The following EPHB3 variants were observed in gnomAD, a reference collection of about 807,000 sequenced individuals.
The protein encoded by EPHB3 is EPH receptor B3, also known as ephrin type-B receptor 3.
A neutral mutation model predicts 100.2 loss-of-function variants in EPHB3; 33 were observed. The observed-to-expected ratio is 0.33, with a 90% CI of 0.25 to 0.44. The LOEUF (loss-of-function observed/expected upper bound fraction) is 0.44. EPHB3 is among the 20% of genes least tolerant of loss of function. The probability of loss-of-function intolerance (pLI) is 1.00; values close to 1 mark genes in which losing one functional copy is unlikely to be tolerated. For synonymous variants in EPHB3, 526 were observed against 554.7 expected, an observed-to-expected ratio of 0.95 and a Z score of 0.73; for missense variants, 1,045 against 1,378.3, an observed-to-expected ratio of 0.76 and a Z score of 3.83.
At chr3:184,568,600 C>T (rs1304233133) in intron 1 of EPHB3, among the ~76,000 whole-genome samples, 1 of 150,910 alleles carries the variant, frequency 6.6e-6, no homozygotes, top group African/African-American at 2.4e-5. Context: ...TGACCCCCCC[C>T]CCACATCCCC....
In EPHB3 at chr3:184,569,279, G is replaced by A. The variant is rs991934603; in HGVS notation, c.119-2039G>A. Among the ~76,000 whole-genome samples the A allele has an allele frequency of 6.6e-6, 1 of 151,938 alleles. No homozygotes were observed. The highest frequency in any genetic ancestry group is 2.4e-5 in the African/African-American group (1 of 41,378). Reference sequence around the variant, plus strand: ...TCCCGGGACTGACACTCGCGCTGCCGGCTGGGGACGAGGCCGCCTGGCAAC... The same window carrying A: ...TCCCGGGACTGACACTCGCGCTGCCAGCTGGGGACGAGGCCGCCTGGCAAC... On this transcript the variant is annotated intron_variant, in intron 1 of 15. Coordinates refer to ENST00000330394, the MANE Select transcript of EPHB3 (RefSeq NM_004443.4). The surrounding 1 kb of genome is among the most constrained non-coding windows in gnomAD (Gnocchi z 5.4).
intron 15 of EPHB3, 30 bp from the exon 16 acceptor site, chr3:184,581,484 G>A (rs772881273): frequency 6.2e-7 from 1 of 1,605,718 alleles, no homozygotes; most frequent in South Asian, 1.1e-5. Context: ...ACGAGGAAAG[G>A]GACTGATCCT....
Position 184,561,874 on chromosome 3 carries a change from C to T in EPHB3, c.-362C>T, listed in dbSNP as rs1714254670. On this transcript the variant is annotated 5_prime_UTR_variant, in exon 1 of 16. Coordinates refer to ENST00000330394, the MANE Select transcript of EPHB3 (RefSeq NM_004443.4). The stretch of plus-strand genomic sequence containing the variant: ...CCGAAGCCCCGGATCCCAGTCGGGC[C>T]CGCAGCTGACCGCCAGATTACTGTG... 6.5e-6 allele frequency: 1 copy of T among 152,942 alleles called. No homozygotes were observed. The highest frequency in any genetic ancestry group is 6.5e-5 in the Admixed American group (1 of 15,290). The allele number at this position is 152,942 out of a possible 1,614,324, so 9.5% of individuals were successfully genotyped here. A position where few individuals can be genotyped will look rare whatever the true frequency, so the allele number is the denominator to read the frequency against.
At chr3:184,580,196 C>T (rs1714784547) in intron 11 of EPHB3, among the ~76,000 whole-genome samples, 1 of 152,192 alleles carries the variant, frequency 6.6e-6, no homozygotes, top group Non-Finnish European at 1.5e-5. Flanking sequence ...GTGGTAAGAG[C>T]TAGTGGGTCC....
At position 184,581,068 on chromosome 3, in the gene EPHB3, C is replaced by A; in HGVS notation, c.2635C>A (p.Arg879=). The A allele has an allele frequency of 6.2e-7, 1 of 1,614,154 alleles. No homozygotes were observed. Among genetic ancestry groups the A allele is most frequent in the Non-Finnish European group, 8.5e-7 (1 of 1,180,034 alleles). Residue 879 remains arginine, a synonymous_variant, in exon 14 of 16, where the codon CGG becomes AGG. Coordinates refer to ENST00000330394, the MANE Select transcript of EPHB3 (RefSeq NM_004443.4). The part of the protein sequence containing the change: ...QLMLDCWVRD[R]NLRPKFSQIV... ...CATGCTGGACTGCTGGGTGCGGGAC[C>A]GGAACCTCAGGCCCAAATTCTCCCA...
chr3:184,581,500 G>A lies in EPHB3; in HGVS notation c.2889-14G>A, dbSNP rs776099926. On this transcript the variant is annotated splice_polypyrimidine_tract_variant and intron_variant, in intron 15 of 15. Transcript: ENST00000330394. ...CGAGGAAAGGGACTGATCCTAATTT[G>A]GCTCCACCTGCAGAGACCTGCTCCG... The A allele has an allele frequency of 6.2e-7, 1 of 1,609,874 alleles. No individual in the cohort carries two copies. The highest frequency in any genetic ancestry group is 8.5e-7 in the Non-Finnish European group (1 of 1,178,078).
In EPHB3 at chr3:184,571,647, A is replaced by G. The variant is rs1358330400; in HGVS notation, c.183+265A>G. Among the ~76,000 whole-genome samples, 1 of 150,690 alleles carries G rather than the reference A, an allele frequency of 6.6e-6. No homozygotes were observed. Among genetic ancestry groups the G allele is most frequent in the African/African-American group, 2.4e-5 (1 of 40,932 alleles). ...TCCCGCTCCCTCTCCCTCTCTTCCT[A>G]ACAGCCCTCTGCATGTCCATCCCCA... On this transcript the variant is annotated intron_variant, in intron 2 of 15. Coordinates refer to ENST00000330394, the MANE Select transcript of EPHB3 (RefSeq NM_004443.4). The surrounding 1 kb of genome is among the most constrained non-coding windows in gnomAD (Gnocchi z 5.0).
rs777866552 is a variant in EPHB3, at chr3:184,572,833, C to T, written c.513C>T (p.Ala171=). ...ATGAGAGCTTCTCGCGGCTGGATGC[C>T]GGCCGTGTCAACACCAAGGTGCGCA... ...APDESFSRLD[A]GRVNTKVRSF... The change falls in exon 3 of 16, where the codon GCC becomes GCT. Residue 171 remains alanine, a synonymous_variant. Coordinates refer to ENST00000330394, the MANE Select transcript of EPHB3 (RefSeq NM_004443.4). The surrounding 1 kb of genome is among the most constrained non-coding windows in gnomAD (Gnocchi z 6.6). 47 of 1,567,096 alleles carry T rather than the reference C, an allele frequency of 3.0e-5. No individual in the cohort carries two copies. The highest frequency in any genetic ancestry group is 7.5e-5 in the Admixed American group (4 of 53,348).
Position 184,576,970 on chromosome 3 carries a change from C to G in EPHB3, c.1141C>G (p.His381Asp). ...GTACAATGTCATCTGCAAGAAGTGCCATGGGGCTGGAGGGGCCTCAGCCTG... is the reference window on the plus strand; with the variant it reads ...GTACAATGTCATCTGCAAGAAGTGCGATGGGGCTGGAGGGGCCTCAGCCTG... The part of the protein sequence containing the change: ...LLYNVICKKC[H>D]GAGGASACSR... Residue 381 changes from histidine to aspartate, a missense_variant, in exon 5 of 16, where the codon CAT becomes GAT. His to Asp is a moderately conservative substitution (Grantham distance 81). Around this residue, in one of 2 missense-constraint regions of EPHB3, gnomAD observed 985 missense variants for 1,331.1 expected, o/e 0.74. Transcript: ENST00000330394. 1 of 1,613,056 alleles carries G rather than the reference C, an allele frequency of 6.2e-7. No individual in the cohort carries two copies. Among genetic ancestry groups the G allele is most frequent in the Non-Finnish European group, 8.5e-7 (1 of 1,179,320 alleles).
rs771069268 is a variant in EPHB3 at position 184,562,300 on chromosome 3, CGCT to C, written c.77_79del (p.Leu26del). The C allele has an allele frequency of 8.2e-5, 102 of 1,248,244 alleles. No homozygotes were observed. Among genetic ancestry groups the C allele is most frequent in the South Asian group, 5.9e-4 (20 of 33,702 alleles). The allele number at this position is 1,248,244 out of a possible 1,614,324, so 77.3% of individuals were successfully genotyped here. ...CCGGGGCTTCTGCCGCTGCTCCCTCCGCTGCTGCTGCTGCCGCTGCTGCTGCTG... is the reference window on the plus strand; with the variant it reads ...CCGGGGCTTCTGCCGCTGCTCCCTCCGCTGCTGCTGCCGCTGCTGCTGCTG... On this transcript the variant is annotated inframe_deletion, in exon 1 of 16. Coordinates refer to ENST00000330394, the MANE Select transcript of EPHB3 (RefSeq NM_004443.4). The surrounding 1 kb of genome is among the most constrained non-coding windows in gnomAD (Gnocchi z 4.8).
chr3:184,579,334 G>A lies in EPHB3; in HGVS notation c.1802-143G>A. The A allele has an allele frequency of 1.6e-6, 2 of 1,273,178 alleles. No individual in the cohort carries two copies. Among genetic ancestry groups the A allele is most frequent in the South Asian group, 3.2e-5 (2 of 62,882 alleles). The allele number at this position is 1,273,178 out of a possible 1,614,324, so 78.9% of individuals were successfully genotyped here. ...TGTCTAGCCTTTATGGTCACCAGGA[G>A]TTCTCATGGGAGCTGGAGGATTAGG... On this transcript the variant is annotated intron_variant, in intron 9 of 15. Transcript: ENST00000330394. This position sits in a 1 kb window ranked among gnomAD's most constrained non-coding sequence, Gnocchi z 5.2.
In EPHB3 at chr3:184,572,119, C is replaced by A. The variant is rs1452218130; in HGVS notation, c.184-385C>A. 6.6e-6 allele frequency among the ~76,000 whole-genome samples: 1 copy of A among 152,222 alleles called. No individual in the cohort carries two copies. Among genetic ancestry groups the A allele is most frequent in the East Asian group, 1.9e-4 (1 of 5,200 alleles). The stretch of plus-strand genomic sequence containing the variant: ...TTTATTAGCCTGATTTAATTCCTCA[C>A]AGCCTCGTTTAGTTCCAAGCAGCCC... On this transcript the variant is annotated intron_variant, in intron 2 of 15. Transcript: ENST00000330394. This position sits in a 1 kb window ranked among gnomAD's most constrained non-coding sequence, Gnocchi z 6.6.
chr3:184,571,356 G>A lies in EPHB3; in HGVS notation c.157G>A (p.Ala53Thr). 6.2e-7 allele frequency: 1 copy of A among 1,614,058 alleles called. No individual in the cohort carries two copies. The highest frequency in any genetic ancestry group is 8.5e-7 in the Non-Finnish European group (1 of 1,179,964). Reference protein sequence around the residue: ...MDTKWVTSELAWTSHPESGWE... With the variant: ...MDTKWVTSELTWTSHPESGWE... ...CACAAAATGGGTAACATCTGAGTTGGCGTGGACATCTCATCCAGAAAGTGG... is the reference window on the plus strand; with the variant it reads ...CACAAAATGGGTAACATCTGAGTTGACGTGGACATCTCATCCAGAAAGTGG... The change falls in exon 2 of 16, where the codon GCG (alanine) becomes ACG (threonine). Residue 53 changes from alanine (A) to threonine (T), a missense_variant. Ala to Thr is a moderately conservative substitution (Grantham distance 58). Coordinates refer to ENST00000330394, the MANE Select transcript of EPHB3 (RefSeq NM_004443.4). This position sits in a 1 kb window ranked among gnomAD's most constrained non-coding sequence, Gnocchi z 5.0.
At position 184,561,828 on chromosome 3, in the gene EPHB3, G is replaced by C. The variant is rs1016132326; in HGVS notation, c.-408G>C. Reference sequence around the variant, plus strand: ...AGCGGCGCAGCAAGATCCCAGCTCGGACCCCGGACGGCGCGCGCCCCCGAA... The same window carrying C: ...AGCGGCGCAGCAAGATCCCAGCTCGCACCCCGGACGGCGCGCGCCCCCGAA... On this transcript the variant is annotated 5_prime_UTR_variant, in exon 1 of 16. Coordinates refer to ENST00000330394, the MANE Select transcript of EPHB3 (RefSeq NM_004443.4). The C allele has an allele frequency of 6.6e-6, 1 of 152,588 alleles. No individual in the cohort carries two copies. Among genetic ancestry groups the C allele is most frequent in the East Asian group, 1.9e-4 (1 of 5,166 alleles). 9.5% of individuals were successfully genotyped at this position (152,588 alleles called of 1,614,324 possible).
At position 184,581,101 on chromosome 3, in the gene EPHB3, A is replaced by G; in HGVS notation, c.2668A>G (p.Asn890Asp). ...CAGGCCCAAATTCTCCCAGATTGTC[A>G]ATACCCTGGACAAGCTCATCCGCAA... ...NLRPKFSQIVNTLDKLIRNAA... is the reference protein window; with the variant it reads ...NLRPKFSQIVDTLDKLIRNAA... The change falls in exon 14 of 16, where the codon AAT (asparagine) becomes GAT (aspartate). Residue 890 changes from asparagine to aspartate, a missense_variant. Transcript: ENST00000330394. The G allele has an allele frequency of 6.2e-7, 1 of 1,614,184 alleles. No homozygotes were observed. Among genetic ancestry groups the G allele is most frequent in the Non-Finnish European group, 8.5e-7 (1 of 1,180,034 alleles).
At chr3:184,567,576 C>T (rs1190806285) in intron 1 of EPHB3, among the ~76,000 whole-genome samples, 1 of 152,184 alleles carries the variant, frequency 6.6e-6, no homozygotes, top group Admixed American at 6.5e-5. Context: ...GATACTTACA[C>T]CATGTCAGGG....
chr3:184,577,231 A>C lies in EPHB3; in HGVS notation c.1354+48A>C, dbSNP rs192397531. 1.3e-6 allele frequency: 2 copies of C among 1,571,210 alleles called. No individual in the cohort carries two copies. Among genetic ancestry groups the C allele is most frequent in the Non-Finnish European group, 1.7e-6 (2 of 1,156,046 alleles). ...TAGGGCCTGGGTCACTTTCTCCTGG[A>C]TGAGGTGTCCCAGGACCTGCTAAGG... On this transcript the variant is annotated intron_variant, in intron 5 of 15. Transcript: ENST00000330394. This position sits in a 1 kb window ranked among gnomAD's most constrained non-coding sequence, Gnocchi z 4.9.
Position 184,579,354 on chromosome 3 carries a change from A to G in EPHB3, c.1802-123A>G, listed in dbSNP as rs1240687046. 4.9e-6 allele frequency: 7 copies of G among 1,436,542 alleles called. No individual in the cohort carries two copies. The highest frequency in any genetic ancestry group is 2.2e-5 in the Admixed American group (1 of 45,354). The allele number at this position is 1,436,542 out of a possible 1,614,324, so 89.0% of individuals were successfully genotyped here. On this transcript the variant is annotated intron_variant, in intron 9 of 15. Transcript: ENST00000330394. The surrounding 1 kb of genome is among the most constrained non-coding windows in gnomAD (Gnocchi z 5.2). The stretch of plus-strand genomic sequence containing the variant: ...CAGGAGTTCTCATGGGAGCTGGAGG[A>G]TTAGGGCAGCAACACAGAGGAATAT...
At chr3:184,576,344 G>A (rs1284666502) in intron 4 of EPHB3, among the ~76,000 whole-genome samples, 1 of 152,150 alleles carries the variant, frequency 6.6e-6, no homozygotes, top group African/African-American at 2.4e-5. Flanking sequence ...GTATAGAAGT[G>A]CCTCTCTCCA....
Sources: allele counts gnomAD v4.1 joint callset (sites outside exome capture counted in the v4.1 genomes callset), GRCh38; gene constraint gnomAD v4.1.1; regional missense constraint gnomAD v4.1.1; non-coding constraint Gnocchi (gnomAD v3.1); transcripts MANE v1.5; gene names NCBI Gene and HGNC (gene_info 2026-07-23, HGNC 2026-07-21).